RYR3: variants seen among roughly 807,000 people sequenced by gnomAD.
RYR3 encodes ryanodine receptor 3.
Under a neutral mutation model 584.3 loss-of-function variants are expected in RYR3, and 207 were observed. The observed-to-expected ratio is 0.35, with a 90% CI of 0.32 to 0.40. RYR3 has a LOEUF of 0.40. Among genes scored for constraint, RYR3 ranks in the 10% least tolerant of loss-of-function variants. The pLI, the probability that RYR3 is intolerant of heterozygous loss-of-function variation, is 1.00. For missense variants in RYR3, 5,616 were observed against 6,089.2 expected, an observed-to-expected ratio of 0.92 and a Z score of 2.59; for synonymous variants, 2,416 against 2,248.5, an observed-to-expected ratio of 1.07 and a Z score of -2.11.
At chr15:33,359,848 C>T (rs939580621) in intron 1 of RYR3, among the ~76,000 whole-genome samples, 1 of 151,900 alleles carries the variant, frequency 6.6e-6, no homozygotes, top group African/African-American at 2.4e-5. Context: ...GTCTCGATCT[C>T]CTGACCTCGT....
chr15:33,639,726 T>A (rs916095521), intron 27 of RYR3, among the ~76,000 whole-genome samples: 1 of 152,218 alleles, frequency 6.6e-6, no homozygotes, highest in African/African-American at 2.4e-5. Flanking sequence ...TGTTTTTACC[T>A]CTGGCTTACT....
At chr15:33,688,599 A>T (rs971894265) in intron 38 of RYR3, among the ~76,000 whole-genome samples, 1 of 150,460 alleles carries the variant, frequency 6.6e-6, no homozygotes. Context: ...AAAGACATTT[A>T]TGCAGCTAAC....
chr15:33,864,540 G>C (rs1332659216), intron 103 of RYR3, among the ~76,000 whole-genome samples: 1 of 151,154 alleles, frequency 6.6e-6, no homozygotes, highest in Non-Finnish European at 1.5e-5. Flanking sequence ...TGAGAGACAG[G>C]CTAAGAAAGA....
chr15:33,819,829 A>G, intron 77 of RYR3, 22 bp downstream of exon 77: 1 of 1,569,538 alleles, frequency 6.4e-7, no homozygotes, highest in South Asian at 1.2e-5. Context: ...TTTTCTGCCC[A>G]TTGTCTCTGT....
chr15:33,824,727 T>C (rs1442239914), intron 81 of RYR3, among the ~76,000 whole-genome samples: 1 of 152,244 alleles, frequency 6.6e-6, no homozygotes, highest in Non-Finnish European at 1.5e-5. Context: ...TCCATGCCTT[T>C]GCCCCGTGGT....
intron 34 of RYR3, among the ~76,000 whole-genome samples, chr15:33,660,791 G>A (rs1054026604): frequency 6.6e-6 from 1 of 152,196 alleles, no homozygotes; most frequent in African/African-American, 2.4e-5. Flanking sequence ...CCCTTGCTAA[G>A]AGGTGCTATT....
rs2056234387 is a variant in RYR3, at chr15:33,546,347, AG to A, written c.741-1782del. Among the ~76,000 whole-genome samples the A allele has an allele frequency of 2.6e-5, 4 of 152,272 alleles. No homozygotes were observed. In the South Asian group the frequency reaches 8.3e-4, roughly 32 times the overall value. On this transcript the variant is annotated intron_variant, in intron 8 of 103. Transcript: ENST00000634891. ...ATGAGAATCTTAGCAAATTTTCCTA[AG>A]TGGCTAGCAGGTTGGTGCAGTATCA...
At chr15:33,649,007 G>A in intron 30 of RYR3, 65 bp from the exon 31 acceptor site, 1 of 1,494,020 alleles carries the variant, frequency 6.7e-7, no homozygotes, top group African/African-American at 1.4e-5. Flanking sequence ...CTGCCTCTTG[G>A]GCCCCCTATC....
chr15:33,652,356 C>T (rs957210650), intron 31 of RYR3, among the ~76,000 whole-genome samples: 7 of 152,060 alleles, frequency 4.6e-5, no homozygotes, highest in South Asian at 2.1e-4. Flanking sequence ...ATAAGTTTGC[C>T]GAAGGTGGTC....
chr15:33,639,365 G>C (rs577449412), intron 27 of RYR3, among the ~76,000 whole-genome samples: 4 of 152,280 alleles, frequency 2.6e-5, no homozygotes, highest in Non-Finnish European at 5.9e-5. Context: ...AATGCCTTGT[G>C]AGTTGGTGGA....
At chr15:33,450,029 T>A (rs1369586442) in intron 1 of RYR3, among the ~76,000 whole-genome samples, 1 of 149,194 alleles carries the variant, frequency 6.7e-6, no homozygotes, top group Non-Finnish European at 1.5e-5. Context: ...ATCCATAAAT[T>A]ATCTGTTATC....
intron 38 of RYR3, among the ~76,000 whole-genome samples, chr15:33,685,331 G>C (rs1248499810): frequency 6.6e-6 from 1 of 152,080 alleles, no homozygotes; most frequent in Non-Finnish European, 1.5e-5. Context: ...AACCAACAAA[G>C]ATCAAAAGAG....
intron 67 of RYR3, among the ~76,000 whole-genome samples, chr15:33,794,082 A>G (rs1405128120): frequency 7.2e-6 from 1 of 138,674 alleles, no homozygotes; most frequent in Non-Finnish European, 1.5e-5. Context: ...ATATATAAAT[A>G]TATACATAAT....
chr15:33,524,964 C>T (rs1032081872), intron 3 of RYR3, among the ~76,000 whole-genome samples: 2 of 152,116 alleles, frequency 1.3e-5, no homozygotes, highest in Admixed American at 6.5e-5. Context: ...TTGGTACAAT[C>T]GTATCTGTCT....
chr15:33,676,086 G>T (rs367944855), intron 38 of RYR3, among the ~76,000 whole-genome samples: 4 of 152,104 alleles, frequency 2.6e-5, no homozygotes, highest in African/African-American at 9.7e-5. Context: ...AGGAAATCTC[G>T]ATTATTGGAG....
intron 16 of RYR3, among the ~76,000 whole-genome samples, chr15:33,589,373 G>A (rs2059015172): frequency 2.6e-5 from 4 of 152,182 alleles, no homozygotes. Flanking sequence ...TTTGTTGGAT[G>A]CATAGTTGGC....
chr15:33,815,938 T>G (rs1177669406), intron 74 of RYR3: 2 of 398,454 alleles, frequency 5.0e-6, no homozygotes, highest in African/African-American at 4.1e-5. Flanking sequence ...TTAATGGTAA[T>G]GTAACCTGTG....
In RYR3 at chr15:33,632,991, G is replaced by A. The variant is rs541322440; in HGVS notation, c.2910G>A (p.Leu970=). The change falls in exon 24 of 104, where the codon TTG becomes TTA. Residue 970 remains leucine (L), a synonymous_variant. Coordinates refer to ENST00000634891, the MANE Select transcript of RYR3 (RefSeq NM_001036.6). The part of the protein sequence containing the change: ...SNGYKPAPLD[L]SDVKLLPPQE... ...GCTATAAGCCAGCCCCTTTGGATTT[G>A]TCTGATGTGAAGCTGTTACCTCCTC... The A allele has an allele frequency of 4.2e-5, 67 of 1,613,958 alleles. No individual in the cohort carries two copies. In the South Asian group the frequency reaches 6.8e-4, roughly 16 times the overall value.
rs563141444 is a variant in RYR3, at chr15:33,838,379, C to T, written c.12399C>T (p.Asp4133=). The T allele has an allele frequency of 1.8e-5, 29 of 1,613,940 alleles. No homozygotes were observed. The highest frequency in any genetic ancestry group is 1.6e-4 in the Middle Eastern group (1 of 6,062). ...AAATTGCGGGTGAAGAGGAAGAAGA[C>T]GGGTCTCTTGAGCCGGCCTCTGCAT... ...VLEIAGEEEE[D]GSLEPASAFA... The change falls in exon 89 of 104, where the codon GAC becomes GAT. Residue 4133 remains aspartate, a synonymous_variant. Coordinates refer to ENST00000634891, the MANE Select transcript of RYR3 (RefSeq NM_001036.6).
Sources: gnomAD v4.1 joint callset for allele counts (sites outside exome capture counted in the v4.1 genomes callset) on GRCh38, gnomAD v4.1.1 for gene constraint, MANE v1.5 for transcripts, NCBI Gene and HGNC (gene_info 2026-07-23, HGNC 2026-07-21) for gene names.